The following RBFOX1 variants were observed in gnomAD, a reference collection of about 807,000 sequenced individuals.
The protein encoded by RBFOX1 is RNA binding protein fox-1 homolog 1.
In RBFOX1, 8 loss-of-function variants were observed where a neutral mutation model predicts 57.7. That is an observed-to-expected ratio of 0.14 (90% CI 0.08 to 0.25). RBFOX1 has a LOEUF of 0.25. RBFOX1 is among the 10% of genes least tolerant of loss of function. The pLI is 1.00. For missense variants in RBFOX1, 611 were observed against 548.5 expected (o/e 1.11, Z -1.14); for synonymous variants, 326 against 222.4 (o/e 1.47, Z -4.15).
chr16:6,755,286 C>A (rs2075606780), intron 3 of RBFOX1, among the ~76,000 whole-genome samples: 2 of 152,118 alleles, frequency 1.3e-5, no homozygotes, highest in African/African-American at 4.8e-5. Flanking sequence ...ACACCGACTT[C>A]CACAATGGTT....
chr16:7,474,754 A>T (rs2062286194), intron 4 of RBFOX1, among the ~76,000 whole-genome samples: 3 of 152,154 alleles, frequency 2.0e-5, no homozygotes, highest in Admixed American at 1.3e-4. Flanking sequence ...GTAGAACTGG[A>T]CTTCTAGAAT....
intron 2 of RBFOX1, among the ~76,000 whole-genome samples, chr16:6,610,117 T>C (rs2098021891): frequency 6.6e-6 from 1 of 152,062 alleles, no homozygotes; most frequent in African/African-American, 2.4e-5. Context: ...GTAGATGACA[T>C]TCAAAGTGTG....
At chr16:6,993,573 A>G (rs1038102) in intron 3 of RBFOX1, among the ~76,000 whole-genome samples, 3 of 152,028 alleles carry the variant, frequency 2.0e-5, no homozygotes, top group African/African-American at 7.2e-5. Flanking sequence ...TAGGGAGGCA[A>G]GAGTGGTGCT....
chr16:6,821,846 C>G (rs1287440784), intron 3 of RBFOX1, among the ~76,000 whole-genome samples: 1 of 152,122 alleles, frequency 6.6e-6, no homozygotes, highest in Admixed American at 6.5e-5. Flanking sequence ...GGTGCAGGCA[C>G]TTGTCTGTTT....
intron 3 of RBFOX1, among the ~76,000 whole-genome samples, chr16:5,725,938 G>A (rs1432488926): frequency 1.3e-5 from 2 of 151,898 alleles, no homozygotes; most frequent in African/African-American, 4.8e-5. Context: ...TTGCTGATGT[G>A]ATGACATCCA....
intron 4 of RBFOX1, among the ~76,000 whole-genome samples, chr16:7,295,672 A>G (rs1355649400): frequency 6.6e-6 from 1 of 152,064 alleles, no homozygotes; most frequent in Non-Finnish European, 1.5e-5. Context: ...CTACAGGTGT[A>G]CTCAGGGGAG....
intron 1 of RBFOX1, among the ~76,000 whole-genome samples, chr16:6,208,550 C>A (rs966069011): frequency 2.0e-5 from 3 of 152,162 alleles, no homozygotes; most frequent in Non-Finnish European, 4.4e-5. Flanking sequence ...AGACACAATT[C>A]TCTCCCCTTT....
chr16:6,463,182 C>G (rs887631774), intron 2 of RBFOX1, among the ~76,000 whole-genome samples: 1 of 152,114 alleles, frequency 6.6e-6, no homozygotes, highest in Non-Finnish European at 1.5e-5. Flanking sequence ...CTGGAATTTA[C>G]TTTTGCAAAG....
At chr16:7,339,338 C>G (rs978384538) in intron 4 of RBFOX1, among the ~76,000 whole-genome samples, 1 of 152,178 alleles carries the variant, frequency 6.6e-6, no homozygotes, top group African/African-American at 2.4e-5. Context: ...CTCTAGATCT[C>G]TTCCAACAGG....
intron 3 of RBFOX1, among the ~76,000 whole-genome samples, chr16:5,710,902 C>T (rs1596890793): frequency 6.6e-6 from 1 of 152,144 alleles, no homozygotes; most frequent in Non-Finnish European, 1.5e-5. Context: ...TTGGTATGAG[C>T]AAGGAAAACA....
intron 1 of RBFOX1, among the ~76,000 whole-genome samples, chr16:6,104,777 CATAGATGA>C (rs2096358112): frequency 6.6e-6 from 1 of 152,192 alleles, no homozygotes; most frequent in Non-Finnish European, 1.5e-5. Flanking sequence ...AGCTACACCA[CATAGATGA>C]ACCTCGGAAA....
intron 2 of RBFOX1, among the ~76,000 whole-genome samples, chr16:6,377,643 C>T (rs946953182): frequency 1.8e-4 from 28 of 152,216 alleles, no homozygotes; most frequent in African/African-American, 6.3e-4. Context: ...CTCACCCTCT[C>T]TTAAAAGACT....
At chr16:7,693,637 G>A (rs371523108) in intron 14 of RBFOX1, among the ~76,000 whole-genome samples, 5 of 152,060 alleles carry the variant, frequency 3.3e-5, no homozygotes, top group Non-Finnish European at 7.4e-5. Context: ...GAATCCACAA[G>A]AAAATCTTAC....
intron 3 of RBFOX1, among the ~76,000 whole-genome samples, chr16:5,784,718 A>C (rs924436720): frequency 6.6e-6 from 1 of 152,158 alleles, no homozygotes; most frequent in Non-Finnish European, 1.5e-5. Context: ...TAATTAAATC[A>C]TGAGCATGGT....
At chr16:6,331,219 G>C (rs530016322) in intron 2 of RBFOX1, among the ~76,000 whole-genome samples, 23 of 152,276 alleles carry the variant, frequency 1.5e-4, no homozygotes, top group Non-Finnish European at 3.1e-4. Context: ...GGGAGGCCAA[G>C]GCAGGTGGAC....
intron 3 of RBFOX1, among the ~76,000 whole-genome samples, chr16:6,743,877 A>G (rs1195311297): frequency 6.6e-6 from 1 of 150,794 alleles, no homozygotes; most frequent in Non-Finnish European, 1.5e-5. Context: ...ACATTTTCCT[A>G]TACATTAATT....
chr16:6,648,016 A>G (rs1413323026), intron 2 of RBFOX1, among the ~76,000 whole-genome samples: 1 of 151,956 alleles, frequency 6.6e-6, no homozygotes, highest in Non-Finnish European at 1.5e-5. Flanking sequence ...TAATTTTTGT[A>G]TTTTTAGTAG....
intron 4 of RBFOX1, among the ~76,000 whole-genome samples, chr16:7,199,888 C>T (rs950198163): frequency 6.6e-6 from 1 of 151,326 alleles, no homozygotes; most frequent in African/African-American, 2.4e-5. Context: ...GAGCAAGACT[C>T]TATCTCAAAA....
In RBFOX1 at chr16:5,386,495, CT is replaced by C. The variant is rs761962400; in HGVS notation, c.220-80718del. On this transcript the variant is annotated intron_variant, in intron 1 of 2. Transcript: ENST00000585867. ...AGCTTCATATTCCCGATATTTTCTG[CT>C]TTCCCCCCGTAAATCACCTCTCCTG... Among the ~76,000 whole-genome samples, 27 of 152,252 alleles carry C rather than the reference CT, an allele frequency of 1.8e-4. No individual in the cohort carries two copies. The East Asian group carries it at 5.2e-3, about 29-fold the overall frequency.
Sources: allele counts gnomAD v4.1 joint callset (sites outside exome capture counted in the v4.1 genomes callset), GRCh38; gene constraint gnomAD v4.1.1; transcripts MANE v1.5; gene names NCBI Gene and HGNC (gene_info 2026-07-23, HGNC 2026-07-21).